Variants in CFAP77 observed in about 807,000 individuals in gnomAD.
The protein encoded by CFAP77 is cilia- and flagella-associated protein 77.
A neutral mutation model predicts 31.1 loss-of-function variants in CFAP77; 25 were observed. The ratio of observed to expected loss-of-function variants is 0.80; its 90% CI spans 0.59 to 1.12. CFAP77 has a LOEUF of 1.12. Among genes scored for constraint, CFAP77 ranks in the 50% most tolerant of loss-of-function variants. The pLI is 0.00. For synonymous variants in CFAP77, 151 were observed against 159.9 expected, an observed-to-expected ratio of 0.94 and a Z score of 0.42; for missense variants, 377 against 397.3, an observed-to-expected ratio of 0.95 and a Z score of 0.44.
At chr9:132,460,078 C>T (rs770150971) in intron 1 of CFAP77, among the ~76,000 whole-genome samples, 40 of 152,182 alleles carry the variant, frequency 2.6e-4, no homozygotes, top group Non-Finnish European at 4.4e-4. Context: ...AGAAGGGCTT[C>T]CTGACCAGCC....
At chr9:132,435,148 G>C (rs541289545) in intron 1 of CFAP77, among the ~76,000 whole-genome samples, 10 of 152,226 alleles carry the variant, frequency 6.6e-5, no homozygotes, top group Admixed American at 6.5e-4. Context: ...GGTAATCCTA[G>C]GAACAGCGGG....
At chr9:132,446,075 T>A (rs1437793393) in intron 1 of CFAP77, among the ~76,000 whole-genome samples, 3 of 152,002 alleles carry the variant, frequency 2.0e-5, no homozygotes, top group Non-Finnish European at 4.4e-5. Context: ...CAATTATGGG[T>A]GCTCATTCTA....
intron 5 of CFAP77, among the ~76,000 whole-genome samples, chr9:132,561,556 A>C (rs1009462886): frequency 7.1e-6 from 1 of 140,790 alleles, no homozygotes; most frequent in African/African-American, 2.6e-5. Context: ...TTGACCTGTG[A>C]ATTTGTACAG....
intron 3 of CFAP77, among the ~76,000 whole-genome samples, chr9:132,524,630 T>C (rs1033373063): frequency 2.6e-5 from 4 of 151,924 alleles, no homozygotes; most frequent in Non-Finnish European, 5.9e-5. Flanking sequence ...AAAAAATTAA[T>C]TGACACGTGC....
At chr9:132,566,182 C>T (rs750986205) in intron 5 of CFAP77, among the ~76,000 whole-genome samples, 4 of 152,006 alleles carry the variant, frequency 2.6e-5, no homozygotes, top group African/African-American at 4.8e-5. Flanking sequence ...GAGGGGGGAG[C>T]GTGCATGTGC....
chr9:132,444,977 T>C (rs939358597), intron 1 of CFAP77, among the ~76,000 whole-genome samples: 2 of 148,552 alleles, frequency 1.3e-5, no homozygotes, highest in Non-Finnish European at 3.0e-5. Flanking sequence ...TTTCTTTCTT[T>C]TTTTTTTTTT....
chr9:132,549,192 C>G (rs907067385), intron 5 of CFAP77, among the ~76,000 whole-genome samples: 1 of 152,186 alleles, frequency 6.6e-6, no homozygotes, highest in African/African-American at 2.4e-5. Context: ...TCCACCCTGC[C>G]GCCTCTGCCT....
Position 132,446,536 on chromosome 9 carries a change from C to T in CFAP77, c.195+36070C>T, listed in dbSNP as rs529320804. ...TGGGTGGATCATGAGGTCAGGAGAT[C>T]GAGACCATCCTTGCTAACATGGTGA... On this transcript the variant is annotated intron_variant, in intron 1 of 5. Coordinates refer to ENST00000393216, the MANE Select transcript of CFAP77 (RefSeq NM_001282957.2). Among the ~76,000 whole-genome samples the T allele has an allele frequency of 2.6e-5, 4 of 151,994 alleles. No individual in the cohort carries two copies. In the East Asian group the frequency reaches 5.8e-4, roughly 22 times the overall value.
At chr9:132,428,072 C>T (rs1850346696) in intron 1 of CFAP77, among the ~76,000 whole-genome samples, 1 of 151,658 alleles carries the variant, frequency 6.6e-6, no homozygotes, top group Non-Finnish European at 1.5e-5. Context: ...AATCATAGCT[C>T]ACTGCAGCCT....
intron 1 of CFAP77, among the ~76,000 whole-genome samples, chr9:132,486,811 A>G (rs926863144): frequency 6.6e-6 from 1 of 152,260 alleles, no homozygotes; most frequent in Non-Finnish European, 1.5e-5. Context: ...GATCATGTAA[A>G]TGCAAATGAA....
In CFAP77 at chr9:132,495,006, C is replaced by G. The variant is rs1208283829; in HGVS notation, c.196-3689C>G. On this transcript the variant is annotated intron_variant, in intron 1 of 5. Transcript: ENST00000393216. This position sits in a 1 kb window ranked among gnomAD's most constrained non-coding sequence, Gnocchi z 4.2. The stretch of plus-strand genomic sequence containing the variant: ...GCACTCTGCTTCCCACATCAAATAC[C>G]CTGGTGAACATGACTGCCATTGCTT... 6.6e-6 allele frequency among the ~76,000 whole-genome samples: 1 copy of G among 152,168 alleles called. No individual in the cohort carries two copies. Among genetic ancestry groups the G allele is most frequent in the African/African-American group, 2.4e-5 (1 of 41,442 alleles).
intron 3 of CFAP77, among the ~76,000 whole-genome samples, chr9:132,525,328 A>G (rs540499975): frequency 1.3e-5 from 2 of 152,266 alleles, no homozygotes; most frequent in South Asian, 4.1e-4. Flanking sequence ...CCCCAGTATG[A>G]TAGTAATTTT....
intron 1 of CFAP77, chr9:132,482,483 G>A (rs985732501): frequency 1.1e-5 from 14 of 1,280,680 alleles, no homozygotes; most frequent in Non-Finnish European, 1.6e-5. Context: ...GGCCCCTCCC[G>A]GCTTCCGCAC....
At chr9:132,471,772 C>G (rs1851263879) in intron 1 of CFAP77, among the ~76,000 whole-genome samples, 1 of 152,132 alleles carries the variant, frequency 6.6e-6, no homozygotes, top group South Asian at 2.1e-4. Context: ...GCCATCATGA[C>G]TCAATGCAGC....
At chr9:132,540,702 T>C (rs1852625371) in intron 4 of CFAP77, among the ~76,000 whole-genome samples, 1 of 152,214 alleles carries the variant, frequency 6.6e-6, no homozygotes, top group Non-Finnish European at 1.5e-5. Context: ...ATTGGATGAA[T>C]AGTGTGATCT....
intron 3 of CFAP77, among the ~76,000 whole-genome samples, chr9:132,535,749 AG>A (rs1453623474): frequency 6.6e-6 from 1 of 151,962 alleles, no homozygotes; most frequent in African/African-American, 2.4e-5. Context: ...AAATAAATAA[AG>A]TCACTTGAAA....
chr9:132,496,459 C>G lies in CFAP77; in HGVS notation c.196-2236C>G, dbSNP rs371322870. 1.8e-4 allele frequency among the ~76,000 whole-genome samples: 28 copies of G among 152,320 alleles called. No individual in the cohort carries two copies. The South Asian group carries it at 4.4e-3, about 24-fold the overall frequency. On this transcript the variant is annotated intron_variant, in intron 1 of 5. Coordinates refer to ENST00000393216, the MANE Select transcript of CFAP77 (RefSeq NM_001282957.2). Reference sequence around the variant, plus strand: ...AATTTTAAAACATTTTCATCACTCCCCAAAGAACGCCCCTTAGCCATCACG... The same window carrying G: ...AATTTTAAAACATTTTCATCACTCCGCAAAGAACGCCCCTTAGCCATCACG...
rs1050175411 is a variant in CFAP77 at position 132,461,846 on chromosome 9, C to T, written c.196-36849C>T. Among the ~76,000 whole-genome samples the T allele has an allele frequency of 4.6e-5, 7 of 152,150 alleles. 1 individual carries two copies. Among genetic ancestry groups the T allele is most frequent in the Admixed American group, 3.3e-4 (5 of 15,276 alleles). On this transcript the variant is annotated intron_variant, in intron 1 of 5. Coordinates refer to ENST00000393216, the MANE Select transcript of CFAP77 (RefSeq NM_001282957.2). ...CTTCATCCGCCTCACAGAGTGGCTG[C>T]GATTTCCCCCCGTTTCTGCTCTAGA... is the stretch of plus-strand genomic sequence containing the variant.
intron 3 of CFAP77, among the ~76,000 whole-genome samples, chr9:132,502,080 G>A (rs1238989451): frequency 6.6e-6 from 1 of 152,046 alleles, no homozygotes; most frequent in Non-Finnish European, 1.5e-5. Context: ...CTTGCAATCC[G>A]AAGCCCCGTT....
Sources: gnomAD v4.1 joint callset for allele counts (sites outside exome capture counted in the v4.1 genomes callset) on GRCh38, gnomAD v4.1.1 for gene constraint, Gnocchi (gnomAD v3.1) non-coding constraint, MANE v1.5 for transcripts, NCBI Gene and HGNC (gene_info 2026-07-23, HGNC 2026-07-21) for gene names.